MCTP1: variants seen among roughly 807,000 people sequenced by gnomAD.
The protein encoded by MCTP1 is multiple C2 and transmembrane domain containing 1, also known as multiple C2 and transmembrane domain-containing protein 1.
MCTP1 carries 69 observed loss-of-function variants against 120.6 expected under a neutral mutation model. The ratio of observed to expected loss-of-function variants is 0.57; its 90% confidence interval spans 0.47 to 0.70. The LOEUF is 0.70. Among genes scored for constraint, MCTP1 ranks in the 30% least tolerant of loss-of-function variants. MCTP1 has a pLI of 0.00. For synonymous variants in MCTP1, 529 were observed against 493.1 expected (o/e 1.07, Z -0.96); for missense variants, 1,203 against 1,248.8 (o/e 0.96, Z 0.55).
chr5:94,902,553 AATAC>A (rs1411127474), intron 10 of MCTP1, among the ~76,000 whole-genome samples: 6 of 152,200 alleles, frequency 3.9e-5, no homozygotes, highest in African/African-American at 1.4e-4. Flanking sequence ...CAAATTGAAT[AATAC>A]ATGTATGAAG....
intron 2 of MCTP1, among the ~76,000 whole-genome samples, chr5:94,963,354 A>ATTTATTT (rs780142344): frequency 1.5e-5 from 2 of 136,822 alleles, no homozygotes; most frequent in African/African-American, 2.8e-5. Flanking sequence ...TTGTAATTCT[A>ATTTATTT]TTTTTTTTTT....
At chr5:94,934,182 T>C (rs1815537879) in intron 5 of MCTP1, among the ~76,000 whole-genome samples, 2 of 151,720 alleles carry the variant, frequency 1.3e-5, no homozygotes, top group African/African-American at 4.8e-5. Context: ...CTGAAAACAG[T>C]AGAAAAATTA....
At chr5:94,947,874 A>G (rs1254162735) in intron 3 of MCTP1, among the ~76,000 whole-genome samples, 1 of 149,772 alleles carries the variant, frequency 6.7e-6, no homozygotes, top group African/African-American at 2.5e-5. Flanking sequence ...CTCTCACCTC[A>G]GCGCCCCAAA....
intron 1 of MCTP1, 80 bp downstream of exon 1, chr5:95,283,776 C>A (rs1760511235): frequency 8.4e-7 from 1 of 1,187,224 alleles, no homozygotes; most frequent in African/African-American, 1.6e-5. Context: ...CCCCCGCCCC[C>A]CGCTCCCCGG....
chr5:94,994,932 T>A (rs1250342275), intron 2 of MCTP1, among the ~76,000 whole-genome samples: 1 of 152,212 alleles, frequency 6.6e-6, no homozygotes, highest in Non-Finnish European at 1.5e-5. Flanking sequence ...CTCTTGGATC[T>A]ACACCAGTGT....
At chr5:95,080,928 C>T (rs771065799) in intron 1 of MCTP1, among the ~76,000 whole-genome samples, 1 of 152,054 alleles carries the variant, frequency 6.6e-6, no homozygotes, top group Non-Finnish European at 1.5e-5. Flanking sequence ...TATGAAAGGT[C>T]CAGAGGCTTT....
chr5:95,101,893 T>C (rs1756759418), intron 1 of MCTP1, among the ~76,000 whole-genome samples: 1 of 152,184 alleles, frequency 6.6e-6, no homozygotes, highest in South Asian at 2.1e-4. Context: ...ATGAAAAACA[T>C]AGCTGTTCTT....
chr5:94,747,600 T>C lies in MCTP1; in HGVS notation c.2610+31510A>G, dbSNP rs762406065. ...AAACTTTATTTACAGTTGGCTGAAT[T>C]TGGCCTGTGGACTGTAGTTTACTGA... On this transcript the variant is annotated intron_variant, in intron 19 of 22. Coordinates refer to ENST00000515393, the MANE Select transcript of MCTP1 (RefSeq NM_024717.7). 3.3e-5 allele frequency among the ~76,000 whole-genome samples: 5 copies of C among 152,184 alleles called. 1 individual carries two copies. The highest frequency in any genetic ancestry group is 7.3e-5 in the Non-Finnish European group (5 of 68,042).
chr5:95,075,286 GCTTAAAAGTCA>G (rs1190939675), intron 1 of MCTP1, among the ~76,000 whole-genome samples: 10 of 152,172 alleles, frequency 6.6e-5, no homozygotes, highest in African/African-American at 2.4e-4. Context: ...CTTGGTCTCA[GCTTAAAAGTCA>G]CTTTCTCACA....
chr5:94,814,814 T>C (rs987692406), intron 17 of MCTP1, among the ~76,000 whole-genome samples: 4 of 152,012 alleles, frequency 2.6e-5, no homozygotes, highest in Non-Finnish European at 4.4e-5. Context: ...ATGAGGATAG[T>C]GTATTCAAAG....
At chr5:95,060,580 T>C (rs1221000015) in intron 1 of MCTP1, among the ~76,000 whole-genome samples, 3 of 152,194 alleles carry the variant, frequency 2.0e-5, no homozygotes, top group Non-Finnish European at 4.4e-5. Flanking sequence ...CTTTCTGTAA[T>C]AACTAAAAAA....
At chr5:94,900,080 T>C (rs1805111276) in intron 10 of MCTP1, among the ~76,000 whole-genome samples, 1 of 152,194 alleles carries the variant, frequency 6.6e-6, no homozygotes, top group African/African-American at 2.4e-5. Context: ...CCTCCATGAC[T>C]TACCATCAGC....
At chr5:94,938,506 T>C (rs1816766735) in intron 5 of MCTP1, among the ~76,000 whole-genome samples, 1 of 152,070 alleles carries the variant, frequency 6.6e-6, no homozygotes, top group African/African-American at 2.4e-5. Context: ...TTACACTTCA[T>C]ATCTCAGGTC....
In MCTP1 at chr5:94,871,865, T is replaced by C. The variant is rs377477682; in HGVS notation, c.2037-448A>G. On this transcript the variant is annotated intron_variant, in intron 13 of 22. Transcript: ENST00000515393. ...ATGTAATTACTCTTTTTTATAATAATAGGACATCTCCTGTTTGTTTATAGC... is the reference window on the plus strand; with the variant it reads ...ATGTAATTACTCTTTTTTATAATAACAGGACATCTCCTGTTTGTTTATAGC... Among the ~76,000 whole-genome samples the C allele has an allele frequency of 2.0e-5, 3 of 152,184 alleles. No individual in the cohort carries two copies. The South Asian group carries it at 6.2e-4, about 32-fold the overall frequency.
chr5:94,770,477 A>C (rs546225550), intron 19 of MCTP1, among the ~76,000 whole-genome samples: 1 of 152,336 alleles, frequency 6.6e-6, no homozygotes, highest in Non-Finnish European at 1.5e-5. Flanking sequence ...AGAATAACCC[A>C]AAAGGAAAGA....
At chr5:94,750,402 T>C (rs1396344213) in intron 19 of MCTP1, among the ~76,000 whole-genome samples, 1 of 152,234 alleles carries the variant, frequency 6.6e-6, no homozygotes, top group East Asian at 1.9e-4. Flanking sequence ...ATAAACCTAC[T>C]AGACAATTGT....
At chr5:94,982,884 CAAAAAAAAAAAAAAAAA>C in intron 2 of MCTP1, among the ~76,000 whole-genome samples, 2 of 28,620 alleles carry the variant, frequency 7.0e-5, no homozygotes, top group South Asian at 4.6e-3. Context: ...CACACTTCAT[CAAAAAAAAAAAAAAAAA>C]AAAAAAAAAA....
intron 2 of MCTP1, among the ~76,000 whole-genome samples, chr5:94,996,314 C>T (rs545089689): frequency 2.6e-5 from 4 of 152,102 alleles, no homozygotes; most frequent in Admixed American, 6.6e-5. Context: ...GTAAGTAAAT[C>T]GAATTAGAAT....
rs75287889 is a variant in MCTP1, at chr5:95,277,849, C to T, written c.720+6007G>A. Among the ~76,000 whole-genome samples the T allele has an allele frequency of 9.9e-3, 1,513 of 152,104 alleles. 23 individuals are homozygous for T. The highest frequency in any genetic ancestry group is 0.034 in the African/African-American group (1,403 of 41,492). ...GAAATAAGGCTGGTATAAAATATCTCGAAAAGACTTCACTGAAGAGAAGAA... is the reference window on the plus strand; with the variant it reads ...GAAATAAGGCTGGTATAAAATATCTTGAAAAGACTTCACTGAAGAGAAGAA... On this transcript the variant is annotated intron_variant, in intron 1 of 22. Transcript: ENST00000515393.
Sources: gnomAD v4.1 joint callset for allele counts (sites outside exome capture counted in the v4.1 genomes callset) on GRCh38, gnomAD v4.1.1 for gene constraint, MANE v1.5 for transcripts, NCBI Gene and HGNC (gene_info 2026-07-23, HGNC 2026-07-21) for gene names.